The following CACNA2D1 variants were observed in gnomAD, a reference collection of about 807,000 sequenced individuals.
CACNA2D1 encodes the protein voltage-dependent calcium channel subunit alpha-2/delta-1.
Under a neutral mutation model 171.5 loss-of-function variants are expected in CACNA2D1, and 53 were observed. The ratio of observed to expected loss-of-function variants is 0.31; its 90% CI spans 0.25 to 0.39. The LOEUF is 0.39. Ranked by LOEUF, CACNA2D1 falls within the 10% of genes least tolerant of loss-of-function variation. The pLI is 1.00. For missense variants in CACNA2D1, 903 were observed against 1,299.8 expected, an observed-to-expected ratio of 0.69 and a Z score of 4.69; for synonymous variants, 442 against 443.1, an observed-to-expected ratio of 1.00 and a Z score of 0.03.
At chr7:82,064,869 C>T (rs1189615491) in intron 8 of CACNA2D1, among the ~76,000 whole-genome samples, 1 of 152,150 alleles carries the variant, frequency 6.6e-6, no homozygotes, top group African/African-American at 2.4e-5. Context: ...GGCTCTCAAA[C>T]TTTACAGTGT....
chr7:82,288,264 T>G (rs1000865343), intron 3 of CACNA2D1, among the ~76,000 whole-genome samples: 10 of 152,152 alleles, frequency 6.6e-5, no homozygotes, highest in African/African-American at 2.4e-4. Context: ...GATGTTATTA[T>G]TTGTGACTCC....
At chr7:82,327,367 T>C (rs1037371166) in intron 3 of CACNA2D1, among the ~76,000 whole-genome samples, 2 of 152,188 alleles carry the variant, frequency 1.3e-5, no homozygotes, top group Non-Finnish European at 2.9e-5. Context: ...TATATCTTAT[T>C]ACAGGAGGAA....
chr7:81,953,013 C>T (rs1792788470), intron 38 of CACNA2D1, among the ~76,000 whole-genome samples: 1 of 152,024 alleles, frequency 6.6e-6, no homozygotes, highest in African/African-American at 2.4e-5. Flanking sequence ...CCTCAGCCTC[C>T]CAAGTAGCTG....
At chr7:82,031,613 A>C (rs1384163718) in intron 12 of CACNA2D1, among the ~76,000 whole-genome samples, 3 of 151,970 alleles carry the variant, frequency 2.0e-5, no homozygotes, top group Non-Finnish European at 4.4e-5. Context: ...TTATATGTGT[A>C]TTATTTCAGT....
At chr7:81,994,960 T>C (rs1797890567) in intron 19 of CACNA2D1, 21 bp from the exon 20 acceptor site, 1 of 1,263,898 alleles carries the variant, frequency 7.9e-7, no homozygotes, top group Non-Finnish European at 1.2e-6. Context: ...ATGAAACAAC[T>C]ACTTTATTCC....
chr7:82,003,017 T>C (rs1798763169), intron 18 of CACNA2D1, among the ~76,000 whole-genome samples: 1 of 152,178 alleles, frequency 6.6e-6, no homozygotes, highest in Admixed American at 6.5e-5. Context: ...TTTGTTAGTA[T>C]ACTGTTACCA....
At chr7:81,970,463 T>C (rs1795153642) in intron 27 of CACNA2D1, among the ~76,000 whole-genome samples, 1 of 151,558 alleles carries the variant, frequency 6.6e-6, no homozygotes. Flanking sequence ...ATAAACATAT[T>C]TGGCAAGCAA....
chr7:82,062,129 C>T (rs779398110), intron 9 of CACNA2D1, among the ~76,000 whole-genome samples: 21 of 152,126 alleles, frequency 1.4e-4, no homozygotes, highest in Non-Finnish European at 2.5e-4. Flanking sequence ...TAGGGAAGGG[C>T]TATTATCATT....
intron 3 of CACNA2D1, among the ~76,000 whole-genome samples, chr7:82,331,721 A>G (rs974991430): frequency 8.5e-5 from 13 of 152,224 alleles, no homozygotes; most frequent in African/African-American, 3.1e-4. Context: ...AAGTCTCAAT[A>G]GAATTCTATT....
chr7:82,313,036 T>C (rs1040588069), intron 3 of CACNA2D1, among the ~76,000 whole-genome samples: 5 of 152,200 alleles, frequency 3.3e-5, no homozygotes, highest in African/African-American at 1.2e-4. Context: ...TGAGAGTCCA[T>C]CTGCAATGCA....
chr7:82,340,784 A>AACAT (rs1818538533), intron 2 of CACNA2D1, among the ~76,000 whole-genome samples: 1 of 152,196 alleles, frequency 6.6e-6, no homozygotes. Context: ...TATCGAAATG[A>AACAT]ACATACATAC....
At chr7:82,320,674 C>CA (rs1815699496) in intron 3 of CACNA2D1, among the ~76,000 whole-genome samples, 1 of 151,506 alleles carries the variant, frequency 6.6e-6, no homozygotes, top group South Asian at 2.1e-4. Context: ...CTCAGCCTCC[C>CA]AAAATGTTGA....
chr7:82,155,202 A>G (rs575668967), intron 4 of CACNA2D1, among the ~76,000 whole-genome samples: 74 of 152,308 alleles, frequency 4.9e-4, no homozygotes, highest in African/African-American at 1.7e-3. Flanking sequence ...TGGAACCATA[A>G]GCCAGTTAAA....
chr7:82,263,947 T>C (rs929063887), intron 3 of CACNA2D1, among the ~76,000 whole-genome samples: 7 of 152,118 alleles, frequency 4.6e-5, no homozygotes, highest in East Asian at 1.9e-4. Flanking sequence ...GTTTTTTTTT[T>C]CCTCTGAAAA....
intron 9 of CACNA2D1, 106 bp from the exon 10 acceptor site, chr7:82,060,633 A>G (rs1227839705): frequency 2.2e-5 from 13 of 597,236 alleles, no homozygotes; most frequent in Non-Finnish European, 3.4e-5. Flanking sequence ...TTTATATATT[A>G]TTTAAATAAT....
intron 27 of CACNA2D1, among the ~76,000 whole-genome samples, 183 bp downstream of exon 27, chr7:81,970,492 T>G (rs1795156255): frequency 1.3e-5 from 2 of 151,574 alleles, no homozygotes; most frequent in South Asian, 4.1e-4. Flanking sequence ...TTGAAGAATT[T>G]TATAATGTCA....
At chr7:82,211,235 G>C (rs935562138) in intron 3 of CACNA2D1, among the ~76,000 whole-genome samples, 2 of 151,926 alleles carry the variant, frequency 1.3e-5, no homozygotes, top group Non-Finnish European at 2.9e-5. Flanking sequence ...AGGTCCAGGG[G>C]CACATGTGCA....
intron 3 of CACNA2D1, among the ~76,000 whole-genome samples, chr7:82,327,735 C>T (rs569148092): frequency 1.1e-4 from 16 of 152,282 alleles, no homozygotes; most frequent in South Asian, 6.2e-4. Context: ...TCAGCAATGG[C>T]ACTAAGAGAA....
chr7:82,200,509 C>T (rs1299514856), intron 3 of CACNA2D1, among the ~76,000 whole-genome samples: 1 of 152,016 alleles, frequency 6.6e-6, no homozygotes, highest in Non-Finnish European at 1.5e-5. Context: ...TAATTACTTT[C>T]TTCTCTCTAA....
Sources: gnomAD v4.1 joint callset for allele counts (sites outside exome capture counted in the v4.1 genomes callset) on GRCh38, gnomAD v4.1.1 for gene constraint, MANE v1.5 for transcripts, NCBI Gene and HGNC (gene_info 2026-07-23, HGNC 2026-07-21) for gene names.